Variants in HDAC4 observed in about 807,000 individuals in gnomAD.
The protein encoded by HDAC4 is histone deacetylase A.
A neutral mutation model predicts 135.1 loss-of-function variants in HDAC4; 16 were observed. That is an observed-to-expected ratio of 0.12 (90% CI 0.08 to 0.18). HDAC4 has a LOEUF of 0.18. Ranked by LOEUF, HDAC4 falls within the 10% of genes least tolerant of loss-of-function variation. The pLI is 1.00. For synonymous variants in HDAC4, 685 were observed against 653.4 expected (o/e 1.05, Z -0.74); for missense variants, 1,143 against 1,511.8 (o/e 0.76, Z 4.05).
intron 3 of HDAC4, among the ~76,000 whole-genome samples, chr2:239,225,609 C>CGGCAGGGGAG (rs1461069329): frequency 1.3e-5 from 2 of 152,186 alleles, no homozygotes; most frequent in Non-Finnish European, 2.9e-5. Context: ...GAAGGCAGGT[C>CGGCAGGGGAG]GGCAGGGGAG....
chr2:239,293,083 G>A (rs1056837778), intron 2 of HDAC4, among the ~76,000 whole-genome samples: 1 of 152,208 alleles, frequency 6.6e-6, no homozygotes, highest in Non-Finnish European at 1.5e-5. Context: ...CTCCCAGGTA[G>A]CCCAGAATCC....
intron 17 of HDAC4, chr2:239,091,546 AC>A (rs1201644503): frequency 1.3e-5 from 2 of 152,014 alleles, no homozygotes; most frequent in Non-Finnish European, 2.9e-5. Flanking sequence ...AGGCGTGTCC[AC>A]CCTGCCTCTC....
intron 3 of HDAC4, among the ~76,000 whole-genome samples, chr2:239,194,322 G>T (rs535800931): frequency 4.3e-4 from 65 of 152,274 alleles, no homozygotes; most frequent in African/African-American, 1.5e-3. Flanking sequence ...TTGGAGATTT[G>T]TACAAGTTCT....
chr2:239,273,418 G>T (rs193133363), intron 2 of HDAC4, among the ~76,000 whole-genome samples: 18 of 152,318 alleles, frequency 1.2e-4, no homozygotes, highest in Admixed American at 3.9e-4. Flanking sequence ...CTGAAAGATG[G>T]TAAATAAAGA....
chr2:239,103,526 G>A (rs1175464436), intron 15 of HDAC4, among the ~76,000 whole-genome samples: 1 of 152,250 alleles, frequency 6.6e-6, no homozygotes. Context: ...GGGGACGATG[G>A]CTTTGGACAT....
At chr2:239,296,368 C>A (rs1343126544) in intron 2 of HDAC4, among the ~76,000 whole-genome samples, 1 of 152,268 alleles carries the variant, frequency 6.6e-6, no homozygotes, top group Non-Finnish European at 1.5e-5. Flanking sequence ...ACAGGGCGGT[C>A]ATGGCCAGTC....
At chr2:239,371,984 T>G (rs982454917) in intron 1 of HDAC4, among the ~76,000 whole-genome samples, 7 of 152,216 alleles carry the variant, frequency 4.6e-5, no homozygotes, top group African/African-American at 1.7e-4. Flanking sequence ...CGGGAGCAGC[T>G]GCACCCGCAG....
intron 6 of HDAC4, among the ~76,000 whole-genome samples, chr2:239,158,003 A>C (rs1387416456): frequency 6.6e-6 from 1 of 152,216 alleles, no homozygotes; most frequent in African/African-American, 2.4e-5. Flanking sequence ...AACCCCAAGC[A>C]GCTTCTCGCT....
intron 17 of HDAC4, 108 bp downstream of exon 17, chr2:239,094,902 A>G: frequency 6.2e-7 from 1 of 1,603,930 alleles, no homozygotes; most frequent in Non-Finnish European, 8.5e-7. Context: ...CGTATGGAAA[A>G]CACCTGGCAG....
intron 4 of HDAC4, among the ~76,000 whole-genome samples, chr2:239,182,204 G>C (rs760487274): frequency 3.3e-5 from 5 of 152,144 alleles, no homozygotes; most frequent in Non-Finnish European, 5.9e-5. Context: ...AGGGCTTCGG[G>C]GTGCTTCTCA....
At chr2:239,353,920 T>G (rs564425229) in intron 1 of HDAC4, among the ~76,000 whole-genome samples, 1 of 152,230 alleles carries the variant, frequency 6.6e-6, no homozygotes, top group South Asian at 2.1e-4. Flanking sequence ...AATTCTAAAG[T>G]CCGCATTCCT....
intron 1 of HDAC4, among the ~76,000 whole-genome samples, chr2:239,392,532 T>C (rs1696296954): frequency 6.6e-6 from 1 of 152,146 alleles, no homozygotes; most frequent in Non-Finnish European, 1.5e-5. Context: ...GCCACCCACA[T>C]CCTGCAAGCA....
In HDAC4 at chr2:239,262,909, C is replaced by A. The variant is rs13415132; in HGVS notation, c.23-26245G>T. Among the ~76,000 whole-genome samples the A allele has an allele frequency of 6.6e-6, 1 of 151,982 alleles. No individual in the cohort carries two copies. The highest frequency in any genetic ancestry group is 1.5e-5 in the Non-Finnish European group (1 of 67,994). On this transcript the variant is annotated intron_variant, in intron 2 of 26. Coordinates refer to ENST00000543185, the MANE Select transcript of HDAC4 (RefSeq NM_001378414.1). The surrounding 1 kb of genome is among the most constrained non-coding windows in gnomAD (Gnocchi z 4.1). Reference sequence around the variant, plus strand: ...GAGTGGATCCCTCACTGGAAGGTCACGGCACCACTGAGACAGCCTGGAAGC... The same window carrying A: ...GAGTGGATCCCTCACTGGAAGGTCAAGGCACCACTGAGACAGCCTGGAAGC...
intron 1 of HDAC4, among the ~76,000 whole-genome samples, chr2:239,371,448 C>T (rs1026631342): frequency 6.6e-6 from 1 of 152,120 alleles, no homozygotes; most frequent in East Asian, 1.9e-4. Flanking sequence ...TTCAATCACA[C>T]TTGCACACTC....
chr2:239,236,569 C>T, intron 3 of HDAC4, 24 bp downstream of exon 3: 1 of 1,546,002 alleles, frequency 6.5e-7, no homozygotes, highest in Non-Finnish European at 8.8e-7. Context: ...GCCGGCCGGA[C>T]AGGGCAGGGG....
At chr2:239,160,756 T>C (rs1377902905) in intron 6 of HDAC4, among the ~76,000 whole-genome samples, 1 of 152,266 alleles carries the variant, frequency 6.6e-6, no homozygotes. Flanking sequence ...TTGTTTCCAC[T>C]GTTTGGTGAC....
At chr2:239,138,809 G>A (rs1013236609) in intron 9 of HDAC4, among the ~76,000 whole-genome samples, 6 of 152,346 alleles carry the variant, frequency 3.9e-5, no homozygotes, top group Middle Eastern at 3.4e-3. Context: ...CTCGGGACAC[G>A]TGTGGGATAA....
chr2:239,252,357 C>T (rs1430714191), intron 2 of HDAC4, among the ~76,000 whole-genome samples: 2 of 152,244 alleles, frequency 1.3e-5, no homozygotes, highest in African/African-American at 4.8e-5. Context: ...CAAACGTACT[C>T]ACAAGCCGCA....
intron 22 of HDAC4, among the ~76,000 whole-genome samples, chr2:239,073,038 G>A (rs2034358908): frequency 2.0e-5 from 3 of 152,188 alleles, no homozygotes; most frequent in African/African-American, 4.8e-5. Flanking sequence ...AGCTCAGACG[G>A]GAGAAGAGTG....
Sources: gnomAD v4.1 joint callset for allele counts (sites outside exome capture counted in the v4.1 genomes callset) on GRCh38, gnomAD v4.1.1 for gene constraint, Gnocchi (gnomAD v3.1) non-coding constraint, MANE v1.5 for transcripts, NCBI Gene and HGNC (gene_info 2026-07-23, HGNC 2026-07-21) for gene names.